The following KDM4C variants were observed in gnomAD, a reference collection of about 807,000 sequenced individuals.
The protein encoded by KDM4C is lysine demethylase 4C, also known as lysine-specific demethylase 4C.
In KDM4C, 81 loss-of-function variants were observed where a neutral mutation model predicts 129.3. That is an observed-to-expected ratio of 0.63 (90% CI 0.52 to 0.75). The LOEUF (loss-of-function observed/expected upper bound fraction) is 0.75. KDM4C is among the 30% of genes least tolerant of loss of function. KDM4C has a pLI of 0.00. For synonymous variants in KDM4C, 573 were observed against 456.1 expected (o/e 1.26, Z -3.26); for missense variants, 1,457 against 1,304.0 (o/e 1.12, Z -1.81).
intron 4 of KDM4C, among the ~76,000 whole-genome samples, chr9:6,833,863 A>G (rs1835357066): frequency 6.6e-6 from 1 of 152,142 alleles, no homozygotes; most frequent in Admixed American, 6.6e-5. Context: ...TCCGCAGCCC[A>G]GTGATTTATA....
At chr9:6,907,229 A>G (rs1368673480) in intron 8 of KDM4C, among the ~76,000 whole-genome samples, 1 of 152,252 alleles carries the variant, frequency 6.6e-6, no homozygotes, top group Non-Finnish European at 1.5e-5. Context: ...GTATTTTTAA[A>G]AAGCAATCTT....
chr9:6,944,177 G>C (rs924991091), intron 8 of KDM4C, among the ~76,000 whole-genome samples: 8 of 152,180 alleles, frequency 5.3e-5, no homozygotes, highest in African/African-American at 1.4e-4. Flanking sequence ...GGGTGCTGTT[G>C]AATTGGCATC....
At chr9:7,128,343 C>T in intron 19 of KDM4C, 107 bp downstream of exon 19, 1 of 733,780 alleles carries the variant, frequency 1.4e-6, no homozygotes, top group Non-Finnish European at 2.1e-6. Context: ...GTAGCTCATT[C>T]ACTTGGTTCA....
intron 8 of KDM4C, among the ~76,000 whole-genome samples, chr9:6,929,114 C>A (rs925493376): frequency 6.6e-6 from 1 of 152,214 alleles, no homozygotes; most frequent in African/African-American, 2.4e-5. Flanking sequence ...AGATTTATCT[C>A]CTCACCCTCA....
intron 12 of KDM4C, among the ~76,000 whole-genome samples, chr9:6,995,056 G>GT (rs34580499): frequency 8.0e-5 from 12 of 149,636 alleles, no homozygotes; most frequent in Non-Finnish European, 1.3e-4. Flanking sequence ...CCTGAGAGTG[G>GT]TTTTTTTTTT....
intron 1 of KDM4C, among the ~76,000 whole-genome samples, chr9:6,784,834 A>G (rs1825135669): frequency 6.6e-6 from 1 of 152,214 alleles, no homozygotes; most frequent in African/African-American, 2.4e-5. Flanking sequence ...GGCCCTTTCA[A>G]GCCCTCTTGT....
At chr9:6,979,856 T>C (rs1366671840) in intron 8 of KDM4C, among the ~76,000 whole-genome samples, 1 of 152,142 alleles carries the variant, frequency 6.6e-6, no homozygotes. Context: ...ATGTGGACTA[T>C]GTATGTAGGA....
chr9:7,160,647 G>A (rs201580174), intron 19 of KDM4C, among the ~76,000 whole-genome samples: 14 of 152,152 alleles, frequency 9.2e-5, no homozygotes, highest in African/African-American at 3.4e-4. Context: ...TTTGCCTGGG[G>A]ATCACCATTG....
chr9:6,928,937 A>C (rs1239218027), intron 8 of KDM4C, among the ~76,000 whole-genome samples: 2 of 152,162 alleles, frequency 1.3e-5, no homozygotes, highest in African/African-American at 2.4e-5. Context: ...TTTCTTGTTT[A>C]TGGCCCCAGC....
intron 2 of KDM4C, among the ~76,000 whole-genome samples, chr9:6,795,905 C>G (rs917169921): frequency 1.3e-5 from 2 of 152,100 alleles, no homozygotes; most frequent in Admixed American, 1.3e-4. Context: ...CACCAGGACT[C>G]AAGTGGTCTG....
chr9:6,985,364 G>C (rs1586710270), intron 10 of KDM4C, among the ~76,000 whole-genome samples: 1 of 152,222 alleles, frequency 6.6e-6, no homozygotes, highest in African/African-American at 2.4e-5. Flanking sequence ...TGAAATAGCT[G>C]TGTGGATAGA....
intron 19 of KDM4C, among the ~76,000 whole-genome samples, chr9:7,162,152 G>A (rs1587941719): frequency 6.6e-6 from 1 of 152,318 alleles, no homozygotes; most frequent in East Asian, 1.9e-4. Flanking sequence ...GTGCCCCCTG[G>A]TTTTGGAGGT....
chr9:6,876,736 C>A (rs768099734), intron 5 of KDM4C, among the ~76,000 whole-genome samples: 3 of 152,054 alleles, frequency 2.0e-5, no homozygotes, highest in Non-Finnish European at 4.4e-5. Context: ...GACTGAGTGC[C>A]CCTGAAGCCA....
intron 4 of KDM4C, among the ~76,000 whole-genome samples, chr9:6,833,319 T>A (rs1438306444): frequency 1.3e-5 from 2 of 150,762 alleles, no homozygotes; most frequent in African/African-American, 2.5e-5. Context: ...TAAAAACATC[T>A]TCTTGACAGG....
At chr9:6,927,618 G>C (rs761646057) in intron 8 of KDM4C, among the ~76,000 whole-genome samples, 17 of 152,270 alleles carry the variant, frequency 1.1e-4, no homozygotes, top group Admixed American at 4.6e-4. Flanking sequence ...TCTACGTAGA[G>C]GCTTCCAGGG....
intron 18 of KDM4C, among the ~76,000 whole-genome samples, chr9:7,124,133 C>T (rs754747735): frequency 3.3e-5 from 5 of 152,074 alleles, no homozygotes; most frequent in Non-Finnish European, 5.9e-5. Flanking sequence ...CTGAGGCTGA[C>T]GAGGGTTATG....
At chr9:7,057,696 T>G (rs1206043829) in intron 17 of KDM4C, among the ~76,000 whole-genome samples, 4 of 152,232 alleles carry the variant, frequency 2.6e-5, no homozygotes, top group East Asian at 1.9e-4. Flanking sequence ...CTGGGCAATT[T>G]GTAAGCAACA....
At chr9:6,752,219 G>A (rs938555499) in intron 1 of KDM4C, among the ~76,000 whole-genome samples, 2 of 148,022 alleles carry the variant, frequency 1.4e-5, no homozygotes, top group Non-Finnish European at 3.0e-5. Flanking sequence ...TGTAGTCCCA[G>A]CTACACGGGA....
At chr9:7,061,980 T>G (rs542247209) in intron 17 of KDM4C, among the ~76,000 whole-genome samples, 1 of 152,222 alleles carries the variant, frequency 6.6e-6, no homozygotes, top group South Asian at 2.1e-4. Flanking sequence ...GGTTCTGGCT[T>G]TTCTTGAGAC....
Sources: gnomAD v4.1 joint callset for allele counts (sites outside exome capture counted in the v4.1 genomes callset) on GRCh38, gnomAD v4.1.1 for gene constraint, MANE v1.5 for transcripts, NCBI Gene and HGNC (gene_info 2026-07-23, HGNC 2026-07-21) for gene names.